Variants in OR5K2 observed in about 807,000 individuals in gnomAD.
The protein encoded by OR5K2 is olfactory receptor family 5 subfamily K member 2.
For synonymous variants in OR5K2, 124 were observed against 133.2 expected (o/e 0.93, Z 0.48); for missense variants, 402 against 369.8 (o/e 1.09, Z -0.71).
rs1391399849 is a variant in OR5K2 at position 98,497,935 on chromosome 3, C to A, written c.255C>A (p.Phe85Leu). ...TTACCCCCAAAATGTTAGAGAACTT[C>A]TTTTCTGAGGGCAAAAGGATTTCCC... ...CAITPKMLEN[F>L]FSEGKRISLY... Residue 85 changes from phenylalanine to leucine, a missense_variant, in exon 1 of 1, where the codon TTC becomes TTA. Coordinates refer to ENST00000427338, the MANE Select transcript of OR5K2 (RefSeq NM_001004737.1). The A allele has an allele frequency of 6.2e-7, 1 of 1,613,968 alleles. No individual in the cohort carries two copies. Among genetic ancestry groups the A allele is most frequent in the Non-Finnish European group, 8.5e-7 (1 of 1,179,980 alleles).
At position 98,498,091 on chromosome 3, in the gene OR5K2, C is replaced by A. The variant is rs1160077862; in HGVS notation, c.411C>A (p.Ser137=). 5.6e-6 allele frequency: 9 copies of A among 1,614,020 alleles called. No individual in the cohort carries two copies. In the Admixed American group the frequency reaches 1.3e-4, roughly 24 times the overall value. Residue 137 remains serine (S), a synonymous_variant, in exon 1 of 1, where the codon TCC becomes TCA. Transcript: ENST00000427338. The part of the protein sequence containing the change: ...CNPLQYHIMM[S]KKLCIQMTTG... ...CACTGCAGTACCACATCATGATGTCCAAGAAACTCTGCATTCAGATGACCA... is the reference window on the plus strand; with the variant it reads ...CACTGCAGTACCACATCATGATGTCAAAGAAACTCTGCATTCAGATGACCA...
In OR5K2 at chr3:98,498,310, C is replaced by T. The variant is rs58947289; in HGVS notation, c.630C>T (p.Thr210=). 0.011 allele frequency: 17,701 copies of T among 1,613,646 alleles called. 519 individuals carry two copies. Among genetic ancestry groups the T allele is most frequent in the Admixed American group, 0.067 (4,030 of 59,916 alleles). Reference sequence around the variant, plus strand: ...TCTCAGGTTCAGTTCAAGTCTTTACCATAGGTAGTGTCTTAATATCTTATC... The same window carrying T: ...TCTCAGGTTCAGTTCAAGTCTTTACTATAGGTAGTGTCTTAATATCTTATC... The part of the protein sequence containing the change: ...FIFSGSVQVF[T]IGSVLISYLY... Residue 210 remains threonine, a synonymous_variant, in exon 1 of 1, where the codon ACC becomes ACT. Coordinates refer to ENST00000427338, the MANE Select transcript of OR5K2 (RefSeq NM_001004737.1).
Position 98,497,841 on chromosome 3 carries a change from G to A in OR5K2, c.161G>A (p.Arg54Gln), listed in dbSNP as rs373316744. 65 of 1,613,862 alleles carry A rather than the reference G, an allele frequency of 4.0e-5. No individual in the cohort carries two copies. Among genetic ancestry groups the A allele is most frequent in the Middle Eastern group, 1.6e-4 (1 of 6,082 alleles). Residue 54 changes from arginine to glutamine, a missense_variant, in exon 1 of 1, where the codon CGG becomes CAG. Physicochemically the swap from Arg to Gln is conservative, Grantham distance 43. Transcript: ENST00000427338. ...GTGGCACTGATATTTACACACTGTCGGCTTCACACACCAATGTACATCTTT... is the reference window on the plus strand; with the variant it reads ...GTGGCACTGATATTTACACACTGTCAGCTTCACACACCAATGTACATCTTT... ...SLVALIFTHC[R>Q]LHTPMYIFLG...
chr3:98,497,866 T>C lies in OR5K2; in HGVS notation c.186T>C (p.Phe62=), dbSNP rs771858841. 2.5e-6 allele frequency: 4 copies of C among 1,614,018 alleles called. No homozygotes were observed. The highest frequency in any genetic ancestry group is 1.3e-5 in the African/African-American group (1 of 74,950). The change falls in exon 1 of 1, where the codon TTT becomes TTC. Residue 62 remains phenylalanine (F), a synonymous_variant. Transcript: ENST00000427338. ...HCRLHTPMYI[F]LGNLALVDSC... is the part of the protein sequence containing the mutation. Reference sequence around the variant, plus strand: ...GGCTTCACACACCAATGTACATCTTTCTGGGAAATCTGGCTCTTGTGGATT... The same window carrying C: ...GGCTTCACACACCAATGTACATCTTCCTGGGAAATCTGGCTCTTGTGGATT...
At position 98,498,462 on chromosome 3, in the gene OR5K2, G is replaced by A. The variant is rs768818875; in HGVS notation, c.782G>A (p.Arg261Lys). ...FYGSIFFLYIRPNLLEEGGND... is the reference protein window; with the variant it reads ...FYGSIFFLYIKPNLLEEGGND... ...GGATCTATTTTTTTCCTATACATTAGACCAAATTTGCTTGAAGAAGGAGGT... is the reference window on the plus strand; with the variant it reads ...GGATCTATTTTTTTCCTATACATTAAACCAAATTTGCTTGAAGAAGGAGGT... Residue 261 changes from arginine to lysine, a missense_variant, in exon 1 of 1, where the codon AGA becomes AAA. Coordinates refer to ENST00000427338, the MANE Select transcript of OR5K2 (RefSeq NM_001004737.1). The A allele has an allele frequency of 7.4e-6, 12 of 1,613,194 alleles. No homozygotes were observed. The highest frequency in any genetic ancestry group is 1.0e-5 in the Non-Finnish European group (12 of 1,179,534).
rs2107113349 is a variant in OR5K2, at chr3:98,498,191, T to C, written c.511T>C (p.Leu171=). The part of the protein sequence containing the change: ...GLVFRLVFCG[L]NHINHFYCDT... ...TGTATTTAGGTTAGTTTTCTGTGGA[T>C]TGAATCACATCAACCACTTTTACTG... The change falls in exon 1 of 1, where the codon TTG becomes CTG. Residue 171 remains leucine, a synonymous_variant. Transcript: ENST00000427338. The C allele has an allele frequency of 6.2e-7, 1 of 1,614,126 alleles. No individual in the cohort carries two copies. Among genetic ancestry groups the C allele is most frequent in the Admixed American group, 1.7e-5 (1 of 60,026 alleles).
rs1407925258 is a variant in OR5K2, at chr3:98,498,541, T to G, written c.861T>G (p.Pro287=). ...CAATAGTAGTTCCCTTACTAAATCC[T>G]TTCATTTATAGTCTGAGAAACAAGG... ...LFTIVVPLLN[P]FIYSLRNKEV... Residue 287 remains proline, a synonymous_variant, in exon 1 of 1, where the codon CCT becomes CCG. Transcript: ENST00000427338. The G allele has an allele frequency of 1.2e-5, 19 of 1,607,534 alleles. No individual in the cohort carries two copies. Among genetic ancestry groups the G allele is most frequent in the Non-Finnish European group, 1.6e-5 (19 of 1,175,046 alleles).
Position 98,498,475 on chromosome 3 carries a change from T to G in OR5K2, c.795T>G (p.Leu265=), listed in dbSNP as rs772147090. 1 of 1,612,706 alleles carries G rather than the reference T, an allele frequency of 6.2e-7. No individual in the cohort carries two copies. The highest frequency in any genetic ancestry group is 1.7e-5 in the Admixed American group (1 of 59,876). The change falls in exon 1 of 1, where the codon CTT becomes CTG. Residue 265 remains leucine (L), a synonymous_variant. Coordinates refer to ENST00000427338, the MANE Select transcript of OR5K2 (RefSeq NM_001004737.1). Reference sequence around the variant, plus strand: ...TCCTATACATTAGACCAAATTTGCTTGAAGAAGGAGGTAATGATATACCAG... The same window carrying G: ...TCCTATACATTAGACCAAATTTGCTGGAAGAAGGAGGTAATGATATACCAG... ...IFFLYIRPNL[L]EEGGNDIPAA...
Position 98,497,909 on chromosome 3 carries a change from A to G in OR5K2, c.229A>G (p.Ile77Val), listed in dbSNP as rs757405855. The change falls in exon 1 of 1, where the codon ATT (isoleucine) becomes GTT (valine). Residue 77 changes from isoleucine to valine, a missense_variant. Coordinates refer to ENST00000427338, the MANE Select transcript of OR5K2 (RefSeq NM_001004737.1). ...ALVDSCCACA[I>V]TPKMLENFFS... ...TGTGGATTCTTGCTGTGCCTGTGCTATTACCCCCAAAATGTTAGAGAACTT... is the reference window on the plus strand; with the variant it reads ...TGTGGATTCTTGCTGTGCCTGTGCTGTTACCCCCAAAATGTTAGAGAACTT... The G allele has an allele frequency of 6.2e-6, 10 of 1,614,066 alleles. 1 individual carries two copies. In the South Asian group the frequency reaches 9.9e-5, roughly 16 times the overall value.
chr3:98,497,876 C>A lies in OR5K2; in HGVS notation c.196C>A (p.Leu66Met), dbSNP rs551456969. ...HTPMYIFLGN[L>M]ALVDSCCACA... ...ACCAATGTACATCTTTCTGGGAAAT[C>A]TGGCTCTTGTGGATTCTTGCTGTGC... Residue 66 changes from leucine (L) to methionine (M), a missense_variant, in exon 1 of 1, where the codon CTG becomes ATG. Coordinates refer to ENST00000427338, the MANE Select transcript of OR5K2 (RefSeq NM_001004737.1). The A allele has an allele frequency of 6.2e-7, 1 of 1,614,094 alleles. No individual in the cohort carries two copies. Among genetic ancestry groups the A allele is most frequent in the South Asian group, 1.1e-5 (1 of 91,082 alleles).
chr3:98,498,076 C>T lies in OR5K2; in HGVS notation c.396C>T (p.Tyr132=). ...RYVAICNPLQ[Y]HIMMSKKLCI... ...TGGCCATCTGCAACCCACTGCAGTA[C>T]CACATCATGATGTCCAAGAAACTCT... The change falls in exon 1 of 1, where the codon TAC becomes TAT. Residue 132 remains tyrosine, a synonymous_variant. Transcript: ENST00000427338. 15 of 1,614,036 alleles carry T rather than the reference C, an allele frequency of 9.3e-6. No homozygotes were observed. The highest frequency in any genetic ancestry group is 1.3e-5 in the Non-Finnish European group (15 of 1,179,994).
Position 98,498,418 on chromosome 3 carries a change from A to C in OR5K2, c.738A>C (p.Ser246=). 6.2e-7 allele frequency: 1 copy of C among 1,613,492 alleles called. No homozygotes were observed. Among genetic ancestry groups the C allele is most frequent in the Non-Finnish European group, 8.5e-7 (1 of 1,179,672 alleles). Residue 246 remains serine, a synonymous_variant, in exon 1 of 1, where the codon TCA becomes TCC. Transcript: ENST00000427338. ...KAFSTCASHF[S]SVSLFYGSIF... Reference sequence around the variant, plus strand: ...TTTCTACTTGTGCATCCCACTTTTCATCAGTTTCATTATTCTATGGATCTA... The same window carrying C: ...TTTCTACTTGTGCATCCCACTTTTCCTCAGTTTCATTATTCTATGGATCTA...
Position 98,498,139 on chromosome 3 carries a change from T to C in OR5K2, c.459T>C (p.Asn153=), listed in dbSNP as rs554552308. ...QMTTGAFIAG[N]LHSMIHVGLV... ...CCACAGGCGCCTTCATAGCTGGAAA[T>C]CTGCATTCCATGATTCATGTAGGGC... The change falls in exon 1 of 1, where the codon AAT becomes AAC. Residue 153 remains asparagine, a synonymous_variant. Transcript: ENST00000427338. The C allele has an allele frequency of 3.4e-5, 55 of 1,614,036 alleles. No homozygotes were observed. In the African/African-American group the frequency reaches 5.1e-4, roughly 15 times the overall value.
chr3:98,497,963 T>A lies in OR5K2; in HGVS notation c.283T>A (p.Tyr95Asn), dbSNP rs1705722908. ...TTCTGAGGGCAAAAGGATTTCCCTCTATGAATGTGCAGTACAGTTTTATTT... is the reference window on the plus strand; with the variant it reads ...TTCTGAGGGCAAAAGGATTTCCCTCAATGAATGTGCAGTACAGTTTTATTT... ...FFSEGKRISL[Y>N]ECAVQFYFLC... Residue 95 changes from tyrosine (Y) to asparagine (N), a missense_variant, in exon 1 of 1, where the codon TAT becomes AAT. Physicochemically the swap from Tyr to Asn is moderately radical, Grantham distance 143 (BLOSUM62 -2). Transcript: ENST00000427338. The A allele has an allele frequency of 6.2e-7, 1 of 1,614,008 alleles. No homozygotes were observed.
Position 98,498,493 on chromosome 3 carries a change from T to C in OR5K2, c.813T>C (p.Asp271=). 1 of 1,610,300 alleles carries C rather than the reference T, an allele frequency of 6.2e-7. No homozygotes were observed. Residue 271 remains aspartate (D), a synonymous_variant, in exon 1 of 1, where the codon GAT becomes GAC. Transcript: ENST00000427338. ...RPNLLEEGGN[D]IPAAILFTIV... is the part of the protein sequence containing the mutation. ...ATTTGCTTGAAGAAGGAGGTAATGA[T>C]ATACCAGCTGCTATTTTATTTACAA...
rs759778433 is a variant in OR5K2, at chr3:98,498,248, G to A, written c.568G>A (p.Val190Ile). Residue 190 changes from valine to isoleucine, a missense_variant, in exon 1 of 1, where the codon GTT becomes ATT. By Grantham distance (29) the Val-to-Ile change is conservative. Transcript: ENST00000427338. The part of the protein sequence containing the change: ...DTLPLYRLSC[V>I]DPFINELVLF... ...TCTTCCCTTGTATAGACTCTCCTGT[G>A]TTGACCCTTTCATCAATGAACTGGT... 1.9e-6 allele frequency: 3 copies of A among 1,614,074 alleles called. No homozygotes were observed. The Admixed American group carries it at 5.0e-5, about 27-fold the overall frequency.
At position 98,497,915 on chromosome 3, in the gene OR5K2, C is replaced by G. The variant is rs200993586; in HGVS notation, c.235C>G (p.Pro79Ala). Reference sequence around the variant, plus strand: ...TTCTTGCTGTGCCTGTGCTATTACCCCCAAAATGTTAGAGAACTTCTTTTC... The same window carrying G: ...TTCTTGCTGTGCCTGTGCTATTACCGCCAAAATGTTAGAGAACTTCTTTTC... ...VDSCCACAITPKMLENFFSEG... is the reference protein window; with the variant it reads ...VDSCCACAITAKMLENFFSEG... The change falls in exon 1 of 1, where the codon CCC becomes GCC. Residue 79 changes from proline to alanine, a missense_variant. Pro to Ala is a conservative substitution (Grantham distance 27). Transcript: ENST00000427338. 1.2e-6 allele frequency: 2 copies of G among 1,614,048 alleles called. No homozygotes were observed. Among genetic ancestry groups the G allele is most frequent in the Non-Finnish European group, 1.7e-6 (2 of 1,179,960 alleles).
chr3:98,497,969 T>G lies in OR5K2; in HGVS notation c.289T>G (p.Cys97Gly). 1 of 1,614,098 alleles carries G rather than the reference T, an allele frequency of 6.2e-7. No individual in the cohort carries two copies. ...GGGCAAAAGGATTTCCCTCTATGAA[T>G]GTGCAGTACAGTTTTATTTTCTTTG... ...SEGKRISLYE[C>G]AVQFYFLCTV... Residue 97 changes from cysteine (C) to glycine (G), a missense_variant, in exon 1 of 1, where the codon TGT (cysteine) becomes GGT (glycine). Coordinates refer to ENST00000427338, the MANE Select transcript of OR5K2 (RefSeq NM_001004737.1).
Position 98,497,960 on chromosome 3 carries a change from C to T in OR5K2, c.280C>T (p.Leu94Phe), listed in dbSNP as rs746791890. 6.2e-6 allele frequency: 10 copies of T among 1,613,994 alleles called. No homozygotes were observed. Among genetic ancestry groups the T allele is most frequent in the Admixed American group, 5.0e-5 (3 of 59,980 alleles). ...NFFSEGKRIS[L>F]YECAVQFYFL... ...CTTTTCTGAGGGCAAAAGGATTTCC[C>T]TCTATGAATGTGCAGTACAGTTTTA... Residue 94 changes from leucine (L) to phenylalanine (F), a missense_variant, in exon 1 of 1, where the codon CTC becomes TTC. Leu to Phe is a conservative substitution (Grantham distance 22). Transcript: ENST00000427338.
Sources: gnomAD v4.1 joint callset for allele counts on GRCh38, gnomAD v4.1.1 for gene constraint, MANE v1.5 for transcripts, NCBI Gene and HGNC (gene_info 2026-07-23, HGNC 2026-07-21) for gene names.